Variants in FYB1 observed in about 807,000 individuals in gnomAD.
FYB1 encodes FYN-binding protein 1.
In FYB1, 41 loss-of-function variants were observed where a neutral mutation model predicts 94.1. That is an observed-to-expected ratio of 0.44 (90% CI 0.34 to 0.57). The LOEUF (loss-of-function observed/expected upper bound fraction) is 0.57. Among genes scored for constraint, FYB1 ranks in the 20% least tolerant of loss-of-function variants. FYB1 has a pLI of 0.02. For missense variants in FYB1, 1,050 were observed against 976.8 expected, an observed-to-expected ratio of 1.07 and a Z score of -1.00; for synonymous variants, 367 against 353.2, an observed-to-expected ratio of 1.04 and a Z score of -0.44.
At chr5:39,199,428 T>C (rs1748121950) in intron 2 of FYB1, among the ~76,000 whole-genome samples, 4 of 152,070 alleles carry the variant, frequency 2.6e-5, no homozygotes, top group Admixed American at 2.6e-4. Flanking sequence ...CATACACGAG[T>C]TTATTTTCTG....
intron 16 of FYB1, among the ~76,000 whole-genome samples, chr5:39,116,051 A>G (rs1561126759): frequency 6.6e-6 from 1 of 152,172 alleles, no homozygotes; most frequent in African/African-American, 2.4e-5. Flanking sequence ...AAATACCCCA[A>G]TTTGTTTCCC....
At chr5:39,151,960 G>C (rs1561181181) in intron 3 of FYB1, among the ~76,000 whole-genome samples, 1 of 152,108 alleles carries the variant, frequency 6.6e-6, no homozygotes, top group African/African-American at 2.4e-5. Flanking sequence ...GCCCATTTTG[G>C]TTTCATTTCC....
chr5:39,112,028 T>C (rs1217213600), intron 16 of FYB1, among the ~76,000 whole-genome samples: 2 of 151,976 alleles, frequency 1.3e-5, no homozygotes, highest in South Asian at 2.1e-4. Flanking sequence ...AATAATTTAA[T>C]GTAATTTTTA....
chr5:39,143,465 G>T (rs1193389012), intron 3 of FYB1, among the ~76,000 whole-genome samples: 1 of 146,072 alleles, frequency 6.8e-6, no homozygotes, highest in Non-Finnish European at 1.5e-5. Flanking sequence ...GGAGTGGACT[G>T]TTGCAGTAGT....
In FYB1 at chr5:39,252,014, G is replaced by A. The variant is rs545511859; in HGVS notation, c.-28+22389C>T. ...AAAAAATTTAGCCTGGAGTGGTGGC[G>A]GGCGCCTGTAGTCCCAGCTACTCAG... On this transcript the variant is annotated intron_variant, in intron 1 of 1. Transcript: ENST00000510188. Among the ~76,000 whole-genome samples, 120 of 152,120 alleles carry A rather than the reference G, an allele frequency of 7.9e-4. 1 individual carries two copies. Among genetic ancestry groups the A allele is most frequent in the Middle Eastern group, 3.4e-3 (1 of 292 alleles).
In FYB1 at chr5:39,129,345, G is replaced by A. The variant is rs1476304633; in HGVS notation, c.1840+1245C>T. 5.3e-5 allele frequency among the ~76,000 whole-genome samples: 8 copies of A among 151,962 alleles called. No homozygotes were observed. The East Asian group carries it at 5.8e-4, about 11-fold the overall frequency. The stretch of plus-strand genomic sequence containing the variant: ...AAGGATTTAAACATAAGACCTAAAA[G>A]TATAAAACAACTGTAAGAAAACATA... On this transcript the variant is annotated intron_variant, in intron 10 of 18. Transcript: ENST00000512982.
At chr5:39,261,289 G>A (rs1469763948) in intron 1 of FYB1, among the ~76,000 whole-genome samples, 4 of 126,472 alleles carry the variant, frequency 3.2e-5, no homozygotes, top group Admixed American at 2.6e-4. Flanking sequence ...ATGTATCTCC[G>A]AACTTAAAGT....
chr5:39,164,863 G>A (rs1000546804), intron 2 of FYB1, among the ~76,000 whole-genome samples: 3 of 152,200 alleles, frequency 2.0e-5, no homozygotes, highest in Admixed American at 2.0e-4. Flanking sequence ...TTTTGAAAGG[G>A]ACAAATTAGA....
At position 39,183,304 on chromosome 5, in the gene FYB1, G is replaced by T. The variant is rs116498508; in HGVS notation, c.1135+18522C>A. Among the ~76,000 whole-genome samples, 856 of 152,098 alleles carry T rather than the reference G, an allele frequency of 5.6e-3. 9 individuals are homozygous for T. Among genetic ancestry groups the T allele is most frequent in the African/African-American group, 0.02 (814 of 41,474 alleles). ...CCTGGCCTTGTTTCCTTTTTTTAAG[G>T]TACGATTAAGCTCTAATCCAGGACT... On this transcript the variant is annotated intron_variant, in intron 2 of 18. Coordinates refer to ENST00000512982, the MANE Select transcript of FYB1 (RefSeq NM_001465.6).
intron 3 of FYB1, among the ~76,000 whole-genome samples, chr5:39,143,840 T>TA (rs964282479): frequency 6.6e-6 from 1 of 152,252 alleles, no homozygotes; most frequent in East Asian, 1.9e-4. Context: ...AAACTCACTT[T>TA]AAAAAAATAG....
intron 1 of FYB1, among the ~76,000 whole-genome samples, chr5:39,231,177 A>C (rs1750729364): frequency 7.0e-6 from 1 of 142,380 alleles, no homozygotes; most frequent in African/African-American, 3.0e-5. Flanking sequence ...AAAAACAAAA[A>C]AAACAAAACA....
At chr5:39,173,917 T>G (rs1304764035) in intron 2 of FYB1, among the ~76,000 whole-genome samples, 1 of 152,190 alleles carries the variant, frequency 6.6e-6, no homozygotes, top group Non-Finnish European at 1.5e-5. Context: ...TATTGCTTTG[T>G]CTATTCAGTC....
chr5:39,223,903 T>A (rs1199112583), upstream of FYB1, among the ~76,000 whole-genome samples: 4 of 152,108 alleles, frequency 2.6e-5, no homozygotes, highest in East Asian at 7.7e-4. Flanking sequence ...TTTTCTACTG[T>A]CCCTATCTCA....
At chr5:39,145,678 A>G (rs1356704435) in intron 3 of FYB1, among the ~76,000 whole-genome samples, 1 of 152,176 alleles carries the variant, frequency 6.6e-6, no homozygotes, top group Non-Finnish European at 1.5e-5. Context: ...AGTAAAATCC[A>G]TAGCTCTTTT....
intron 3 of FYB1, among the ~76,000 whole-genome samples, chr5:39,146,154 A>G (rs1580381361): frequency 6.6e-6 from 1 of 152,118 alleles, no homozygotes; most frequent in East Asian, 1.9e-4. Context: ...ACCTCAGGTG[A>G]TTCACCTGCC....
intron 1 of FYB1, among the ~76,000 whole-genome samples, chr5:39,268,036 C>T (rs1752506589): frequency 6.6e-6 from 1 of 151,976 alleles, no homozygotes; most frequent in Non-Finnish European, 1.5e-5. Flanking sequence ...ATTGTAACTC[C>T]AATATTATTA....
chr5:39,108,630 A>G (rs929973133), intron 17 of FYB1, among the ~76,000 whole-genome samples: 4 of 152,154 alleles, frequency 2.6e-5, no homozygotes, highest in African/African-American at 9.6e-5. Context: ...TCAGATTCAT[A>G]CTTTCACTTG....
intron 2 of FYB1, among the ~76,000 whole-genome samples, chr5:39,164,463 T>C (rs1744536519): frequency 6.6e-6 from 1 of 152,200 alleles, no homozygotes; most frequent in African/African-American, 2.4e-5. Flanking sequence ...TTTGCCCTGT[T>C]GCCCAGGTTG....
intron 1 of FYB1, among the ~76,000 whole-genome samples, chr5:39,253,309 A>G (rs1751803787): frequency 1.3e-5 from 2 of 152,300 alleles, no homozygotes; most frequent in South Asian, 4.1e-4. Flanking sequence ...TTATTTTCAC[A>G]TTTTAAAGAC....
Sources: gnomAD v4.1 joint callset for allele counts (sites outside exome capture counted in the v4.1 genomes callset) on GRCh38, gnomAD v4.1.1 for gene constraint, MANE v1.5 for transcripts, NCBI Gene and HGNC (gene_info 2026-07-23, HGNC 2026-07-21) for gene names.